Variants in HLA-DPA1 observed in about 807,000 individuals in gnomAD.
The protein encoded by HLA-DPA1 is HLA class II histocompatibility antigen, DP alpha 1 chain.
A neutral mutation model predicts 21.5 loss-of-function variants in HLA-DPA1; 20 were observed. The ratio of observed to expected loss-of-function variants is 0.93; its 90% CI spans 0.66 to 1.35. HLA-DPA1 has a LOEUF of 1.35. HLA-DPA1 is among the 40% of genes most tolerant of loss of function. The pLI, the probability that HLA-DPA1 is intolerant of heterozygous loss-of-function variation, is 0.00. For missense variants in HLA-DPA1, 279 were observed against 323.0 expected, an observed-to-expected ratio of 0.86 and a Z score of 1.05; for synonymous variants, 123 against 129.6, an observed-to-expected ratio of 0.95 and a Z score of 0.35.
At chr6:33,069,673 A>G (rs1762161035) in exon 3 of HLA-DPA1, 1 of 1,612,550 alleles carries the variant, frequency 6.2e-7, no homozygotes, top group Non-Finnish European at 8.5e-7. Flanking sequence ...GGAACGCTGG[A>G]TCAAGGTATT....
intron 1 of HLA-DPA1, among the ~76,000 whole-genome samples, chr6:33,078,691 TA>T (rs571764913): frequency 6.8e-4 from 103 of 152,304 alleles, no homozygotes; most frequent in African/African-American, 1.5e-3. Context: ...ACTTGGCAGG[TA>T]AAATTCCATT....
exon 4 of HLA-DPA1, chr6:33,069,125 G>A: frequency 1.2e-6 from 2 of 1,613,084 alleles, no homozygotes; most frequent in South Asian, 1.1e-5. Context: ...TGTGGAAGCT[G>A]TAATCTGTTC....
rs1762774235 is a variant in HLA-DPA1 at position 33,080,426 on chromosome 6, G to A, written c.-100+254C>T. 2.9e-6 allele frequency: 2 copies of A among 694,774 alleles called. No individual in the cohort carries two copies. Among genetic ancestry groups the A allele is most frequent in the Non-Finnish European group, 5.3e-6 (2 of 375,502 alleles). 43.0% of individuals were successfully genotyped at this position (694,774 alleles called of 1,614,324 possible). On this transcript the variant is annotated intron_variant, in intron 1 of 5. Transcript: ENST00000419277. This position sits in a 1 kb window ranked among gnomAD's most constrained non-coding sequence, Gnocchi z 4.3. Reference sequence around the variant, plus strand: ...TCCCCTCAGTGCTCGCCCCTCCCTAGTGATCACTCAGTGCCCCTGAGCTCA... The same window carrying A: ...TCCCCTCAGTGCTCGCCCCTCCCTAATGATCACTCAGTGCCCCTGAGCTCA...
Position 33,071,598 on chromosome 6 carries a change from C to T in HLA-DPA1, c.101-1712G>A, listed in dbSNP as rs536859860. Among the ~76,000 whole-genome samples, 293 of 151,884 alleles carry T rather than the reference C, an allele frequency of 1.9e-3. 1 individual carries two copies. The highest frequency in any genetic ancestry group is 0.017 in the East Asian group (89 of 5,132). On this transcript the variant is annotated intron_variant, in intron 2 of 5. Coordinates refer to ENST00000419277, the Ensembl canonical transcript of HLA-DPA1. ...GTCAAACACTGTTAGATGCTAAATA[C>T]CCAAATAAAAATAATACATACGTCC...
At chr6:33,079,819 A>C in intron 1 of HLA-DPA1, 1 of 453,202 alleles carries the variant, frequency 2.2e-6, no homozygotes, top group Non-Finnish European at 4.3e-6. Flanking sequence ...CATCAGAGTC[A>C]CCAACCCCAG....
chr6:33,077,388 T>C (rs1345828694), intron 1 of HLA-DPA1, among the ~76,000 whole-genome samples: 1 of 152,088 alleles, frequency 6.6e-6, no homozygotes, highest in Non-Finnish European at 1.5e-5. Flanking sequence ...TATGTGTGCA[T>C]GTGTCTTTAT....
intron 1 of HLA-DPA1, chr6:33,079,662 T>C (rs1762733776): frequency 2.1e-6 from 1 of 473,226 alleles, no homozygotes; most frequent in Non-Finnish European, 4.1e-6. Flanking sequence ...AAAAACATGC[T>C]GCCCAGTGGC....
Position 33,075,391 on chromosome 6 carries a change from C to A in HLA-DPA1, c.-99-1722G>T, listed in dbSNP as rs137989405. 2.1e-3 allele frequency among the ~76,000 whole-genome samples: 316 copies of A among 152,200 alleles called. 1 individual carries two copies. The highest frequency in any genetic ancestry group is 7.1e-3 in the African/African-American group (296 of 41,504). On this transcript the variant is annotated intron_variant, in intron 1 of 5. Coordinates refer to ENST00000419277, the Ensembl canonical transcript of HLA-DPA1. Reference sequence around the variant, plus strand: ...CCAGTGTAAGGTCCCTAGACTGAGCCCTCCTGACCCTGATGACAGTCCTGT... The same window carrying A: ...CCAGTGTAAGGTCCCTAGACTGAGCACTCCTGACCCTGATGACAGTCCTGT...
At chr6:33,069,182 G>A (rs2308929) in exon 4 of HLA-DPA1, 339,576 of 1,601,560 alleles carry the variant, frequency 0.21, 47,388 homozygotes, top group East Asian at 0.64. Flanking sequence ...CCAGCTCCCC[G>A]TTGCACAGCC....
chr6:33,072,819 A>G (rs4640928), intron 2 of HLA-DPA1, among the ~76,000 whole-genome samples: 43,988 of 152,062 alleles, frequency 0.29, 8,409 homozygotes, highest in East Asian at 0.69. Context: ...TGCAGTCCTG[A>G]ATCTCTCAGA....
chr6:33,065,403 C>G (rs1435716354), intron 5 of HLA-DPA1, 56 bp from the exon 5 acceptor site: 3 of 152,498 alleles, frequency 2.0e-5, no homozygotes, highest in African/African-American at 7.2e-5. Flanking sequence ...TAAGCCCGGA[C>G]CCATCTTCCC....
rs182945148 is a variant in HLA-DPA1 at position 33,071,581 on chromosome 6, C to G, written c.101-1695G>C. On this transcript the variant is annotated intron_variant, in intron 2 of 5. Coordinates refer to ENST00000419277, the Ensembl canonical transcript of HLA-DPA1. ...TTAAAAGACTACTATATGTCAAACA[C>G]TGTTAGATGCTAAATACCCAAATAA... is the stretch of plus-strand genomic sequence containing the variant. Among the ~76,000 whole-genome samples the G allele has an allele frequency of 1.9e-3, 286 of 151,974 alleles. 1 individual carries two copies. The highest frequency in any genetic ancestry group is 0.017 in the East Asian group (88 of 5,130).
exon 3 of HLA-DPA1, chr6:33,069,701 T>C (rs1488614784): frequency 1.2e-6 from 2 of 1,612,546 alleles, no homozygotes; most frequent in Non-Finnish European, 1.7e-6. Flanking sequence ...TTGTTCAATA[T>C]AGCAATGTTA....
Position 33,080,595 on chromosome 6 carries a change from T to G in HLA-DPA1, c.-100+85A>C. ...GGGTGGGAAGATTTGGGAAGAATCG[T>G]TAATATTGAGAGAGAGAGGGAGAAA... On this transcript the variant is annotated intron_variant, in intron 1 of 5. Coordinates refer to ENST00000419277, the Ensembl canonical transcript of HLA-DPA1. The surrounding 1 kb of genome is among the most constrained non-coding windows in gnomAD (Gnocchi z 4.3). 6.3e-7 allele frequency: 1 copy of G among 1,590,934 alleles called. No individual in the cohort carries two copies. The highest frequency in any genetic ancestry group is 8.6e-7 in the Non-Finnish European group (1 of 1,160,844).
Position 33,080,707 on chromosome 6 carries a change from G to T in HLA-DPA1, c.-127C>A, listed in dbSNP as rs41555313. 6.2e-7 allele frequency: 1 copy of T among 1,613,102 alleles called. No individual in the cohort carries two copies. Among genetic ancestry groups the T allele is most frequent in the African/African-American group, 1.3e-5 (1 of 74,898 alleles). ...TTTCCAGGGACGGCAGGAATGCTAC[G>T]CGTTTAATGGGACACAGCGCTTCCT... On this transcript the variant is annotated 5_prime_UTR_variant, in exon 1 of 6. Coordinates refer to ENST00000419277, the Ensembl canonical transcript of HLA-DPA1. This position sits in a 1 kb window ranked among gnomAD's most constrained non-coding sequence, Gnocchi z 4.3.
chr6:33,067,648 A>G (rs1243575847), intron 5 of HLA-DPA1: 1 of 152,248 alleles, frequency 6.6e-6, no homozygotes, highest in African/African-American at 2.4e-5. Flanking sequence ...TTTGGAAGAA[A>G]CAAACTGGAT....
At chr6:33,079,690 C>A in intron 1 of HLA-DPA1, 1 of 497,382 alleles carries the variant, frequency 2.0e-6, no homozygotes, top group South Asian at 1.5e-5. Context: ...AGTTTCTGGT[C>A]CACAGCCTCA....
intron 1 of HLA-DPA1, among the ~76,000 whole-genome samples, chr6:33,077,589 A>G (rs1762608675): frequency 1.3e-5 from 2 of 152,168 alleles, no homozygotes; most frequent in Admixed American, 1.3e-4. Context: ...AAATAGGAAC[A>G]CTTTTACTCT....
intron 2 of HLA-DPA1, 86 bp from the exon 2 acceptor site, chr6:33,069,972 T>A (rs915634844): frequency 1.6e-6 from 2 of 1,273,268 alleles, no homozygotes; most frequent in Admixed American, 2.0e-5. Context: ...TAAAGACTTA[T>A]GAATATAAAA....
Sources: gnomAD v4.1 joint callset for allele counts (sites outside exome capture counted in the v4.1 genomes callset) on GRCh38, gnomAD v4.1.1 for gene constraint, Gnocchi (gnomAD v3.1) non-coding constraint, MANE v1.5 for transcripts, NCBI Gene and HGNC (gene_info 2026-07-23, HGNC 2026-07-21) for gene names.